Variants in WDR70 observed in about 807,000 individuals in gnomAD.
The protein encoded by WDR70 is WD repeat-containing protein 70.
In WDR70, 53 loss-of-function variants were observed where a neutral mutation model predicts 88.6. That is an observed-to-expected ratio of 0.60 (90% confidence interval 0.48 to 0.75). The LOEUF (loss-of-function observed/expected upper bound fraction) is 0.75, where lower values mean the gene tolerates loss of function less well. WDR70 is among the 30% of genes least tolerant of loss of function. The pLI, the probability that WDR70 is intolerant of heterozygous loss-of-function variation, is 0.00. For synonymous variants in WDR70, 280 were observed against 270.0 expected, an observed-to-expected ratio of 1.04 and a Z score of -0.36; for missense variants, 610 against 823.2, an observed-to-expected ratio of 0.74 and a Z score of 3.17.
chr5:37,548,869 A>T (rs1281972934), intron 9 of WDR70, among the ~76,000 whole-genome samples: 1 of 152,190 alleles, frequency 6.6e-6, no homozygotes, highest in Non-Finnish European at 1.5e-5. Context: ...ATGGATATCC[A>T]GTTTTCCCAG....
At chr5:37,715,459 A>G (rs1045760776) in intron 13 of WDR70, among the ~76,000 whole-genome samples, 12 of 152,142 alleles carry the variant, frequency 7.9e-5, no homozygotes, top group Non-Finnish European at 1.5e-4. Context: ...CAAGATGTGT[A>G]GAGAAAATGT....
intron 10 of WDR70, among the ~76,000 whole-genome samples, chr5:37,688,366 A>C (rs771513687): frequency 3.3e-5 from 5 of 152,174 alleles, no homozygotes; most frequent in Non-Finnish European, 7.3e-5. Context: ...TTACTGTACT[A>C]AACTGTCTTA....
chr5:37,521,636 A>G (rs1203108916), intron 9 of WDR70, among the ~76,000 whole-genome samples: 3 of 151,960 alleles, frequency 2.0e-5, no homozygotes, highest in Non-Finnish European at 2.9e-5. Flanking sequence ...ATAGTCTTCA[A>G]TTCCATCCAG....
At chr5:37,384,443 G>T (rs1050742603) in intron 3 of WDR70, among the ~76,000 whole-genome samples, 20 of 151,676 alleles carry the variant, frequency 1.3e-4, no homozygotes, top group African/African-American at 4.1e-4. Flanking sequence ...GGCGGATCAC[G>T]AGGTCAGGAG....
intron 10 of WDR70, among the ~76,000 whole-genome samples, chr5:37,610,628 A>G (rs1744166408): frequency 1.3e-5 from 2 of 152,088 alleles, no homozygotes. Flanking sequence ...AGGAGCTCTC[A>G]CCTCACTGAG....
At chr5:37,391,892 C>G in intron 3 of WDR70, 108 bp from the exon 4 acceptor site, 2 of 1,270,082 alleles carry the variant, frequency 1.6e-6, no homozygotes, top group East Asian at 2.6e-5. Context: ...TGCTAACACT[C>G]TAAGTTATAT....
chr5:37,481,850 G>T (rs567184957), intron 8 of WDR70, among the ~76,000 whole-genome samples: 5 of 152,276 alleles, frequency 3.3e-5, no homozygotes, highest in Admixed American at 2.6e-4. Flanking sequence ...GCTTAGAAAT[G>T]TCTTCTGGCA....
At chr5:37,533,941 T>C (rs1741576634) in intron 9 of WDR70, among the ~76,000 whole-genome samples, 1 of 152,108 alleles carries the variant, frequency 6.6e-6, no homozygotes, top group Non-Finnish European at 1.5e-5. Flanking sequence ...TGAACCTCCC[T>C]GTTGAGAAAG....
At chr5:37,735,139 A>G (rs1456421121) in intron 17 of WDR70, among the ~76,000 whole-genome samples, 1 of 152,032 alleles carries the variant, frequency 6.6e-6, no homozygotes, top group African/African-American at 2.4e-5. Flanking sequence ...CAAATAGTCT[A>G]TTCTGAGTTT....
At chr5:37,553,760 G>T (rs1436823054) in intron 9 of WDR70, among the ~76,000 whole-genome samples, 1 of 152,192 alleles carries the variant, frequency 6.6e-6, no homozygotes, top group Non-Finnish European at 1.5e-5. Context: ...GACAGGCTCT[G>T]GAGCCAGAAT....
intron 5 of WDR70, among the ~76,000 whole-genome samples, chr5:37,427,912 G>A (rs1750184171): frequency 6.6e-6 from 1 of 152,132 alleles, no homozygotes; most frequent in Non-Finnish European, 1.5e-5. Context: ...CTGTTGCTAG[G>A]TATGGCTCTG....
chr5:37,560,856 A>G (rs1372128200), intron 9 of WDR70, among the ~76,000 whole-genome samples: 1 of 141,764 alleles, frequency 7.1e-6, no homozygotes, highest in Non-Finnish European at 1.5e-5. Context: ...TCTGTCACCC[A>G]GACAGATTGC....
chr5:37,505,982 C>T, intron 8 of WDR70: 1 of 1,588,076 alleles, frequency 6.3e-7, no homozygotes, highest in South Asian at 1.1e-5. Flanking sequence ...CAAAATTACA[C>T]AGTTTCAGGG....
At chr5:37,522,011 A>G (rs1406894704) in intron 9 of WDR70, among the ~76,000 whole-genome samples, 2 of 152,182 alleles carry the variant, frequency 1.3e-5, no homozygotes, top group African/African-American at 4.8e-5. Flanking sequence ...TTGCATTTTC[A>G]CTGCATCCCC....
intron 10 of WDR70, among the ~76,000 whole-genome samples, chr5:37,671,546 C>T (rs1302144619): frequency 1.3e-5 from 2 of 152,086 alleles, no homozygotes; most frequent in African/African-American, 2.4e-5. Context: ...GTAGTCCTAG[C>T]CCTAGGACTA....
chr5:37,686,507 C>T (rs1442452369), intron 10 of WDR70, among the ~76,000 whole-genome samples: 4 of 151,140 alleles, frequency 2.6e-5, no homozygotes, highest in Admixed American at 6.6e-5. Context: ...GCGGGAAGAT[C>T]GCTTGAGCCC....
At position 37,568,804 on chromosome 5, in the gene WDR70, G is replaced by A. The variant is rs532150581; in HGVS notation, c.918-36260G>A. 8.5e-4 allele frequency among the ~76,000 whole-genome samples: 129 copies of A among 152,290 alleles called. 1 individual carries two copies. Among genetic ancestry groups the A allele is most frequent in the Non-Finnish European group, 1.6e-3 (109 of 68,020 alleles). ...GCCCCTTGCAATATAACTCTGTAGAGGTAGAGTCTGTTTCCTTACTTCTTG... is the reference window on the plus strand; with the variant it reads ...GCCCCTTGCAATATAACTCTGTAGAAGTAGAGTCTGTTTCCTTACTTCTTG... On this transcript the variant is annotated intron_variant, in intron 9 of 17. Coordinates refer to ENST00000265107, the MANE Select transcript of WDR70 (RefSeq NM_018034.4).
In WDR70 at chr5:37,407,674, C is replaced by CT. The variant is rs920238067; in HGVS notation, c.492+11114dup. ...GTTATGCACACGTAGGCTATCTGTG[C>CT]TTTTTTTTTTCCTTTTACGCCTTTT... On this transcript the variant is annotated intron_variant, in intron 5 of 17. Transcript: ENST00000265107. Among the ~76,000 whole-genome samples, 46 of 149,250 alleles carry CT rather than the reference C, an allele frequency of 3.1e-4. 1 individual carries two copies. In the South Asian group the frequency reaches 3.4e-3, roughly 11 times the overall value.
At chr5:37,497,322 C>A (rs1740252851) in intron 8 of WDR70, among the ~76,000 whole-genome samples, 1 of 142,238 alleles carries the variant, frequency 7.0e-6, no homozygotes, top group Admixed American at 7.0e-5. Context: ...CCTTTCCTTC[C>A]CTTCCCTTCC....
Sources: gnomAD v4.1 joint callset for allele counts (sites outside exome capture counted in the v4.1 genomes callset) on GRCh38, gnomAD v4.1.1 for gene constraint, MANE v1.5 for transcripts, NCBI Gene and HGNC (gene_info 2026-07-23, HGNC 2026-07-21) for gene names.